Variants in NEDD4 observed in about 807,000 individuals in gnomAD.
NEDD4 encodes the protein NEDD4 E3 ubiquitin protein ligase, also known as E3 ubiquitin-protein ligase NEDD4.
A neutral mutation model predicts 144.9 loss-of-function variants in NEDD4; 99 were observed. That is an observed-to-expected ratio of 0.68 (90% CI 0.58 to 0.81). NEDD4 has a LOEUF of 0.81. Ranked by LOEUF, NEDD4 falls within the 30% of genes least tolerant of loss-of-function variation. NEDD4 has a pLI of 0.00. For missense variants in NEDD4, 985 were observed against 1,065.9 expected, an observed-to-expected ratio of 0.92 and a Z score of 1.06; for synonymous variants, 318 against 350.6, an observed-to-expected ratio of 0.91 and a Z score of 1.04.
At chr15:55,860,863 A>G in intron 9 of NEDD4, 85 bp from the exon 10 acceptor site, 3 of 1,192,898 alleles carry the variant, frequency 2.5e-6, no homozygotes, top group East Asian at 2.3e-5. Context: ...TGGGAAAAAA[A>G]TCTACATTAC....
chr15:55,856,048 C>T (rs1227873297), intron 12 of NEDD4, 83 bp downstream of exon 12: 7 of 1,224,170 alleles, frequency 5.7e-6, no homozygotes, highest in African/African-American at 1.5e-5. Context: ...GTAAGGCAAA[C>T]GTTCACACTC....
chr15:55,855,123 G>C (rs528730778), intron 12 of NEDD4, among the ~76,000 whole-genome samples: 2 of 152,266 alleles, frequency 1.3e-5, no homozygotes, highest in South Asian at 4.1e-4. Flanking sequence ...ATGATGCATA[G>C]GTGGGCGACC....
In NEDD4 at chr15:55,834,254, G is replaced by T. The variant is rs756988583; in HGVS notation, c.2295C>A (p.Ile765=). The T allele has an allele frequency of 1.2e-6, 2 of 1,609,648 alleles. No individual in the cohort carries two copies. Among genetic ancestry groups the T allele is most frequent in the Non-Finnish European group, 1.7e-6 (2 of 1,176,216 alleles). Residue 765 remains isoleucine (I), a synonymous_variant, in exon 25 of 29, where the codon ATC becomes ATA. Coordinates refer to ENST00000435532, the MANE Select transcript of NEDD4 (RefSeq NM_006154.4). The part of the protein sequence containing the change: ...GFFELIPQDL[I]KIFDENELEL... ...CTAGTTCATTTTCATCAAAAATTTT[G>T]ATGAGATCCTGTGGTATTAGTTCAA...
intron 8 of NEDD4, 133 bp downstream of exon 8, chr15:55,869,446 G>A: frequency 1.7e-6 from 1 of 588,982 alleles, no homozygotes; most frequent in Non-Finnish European, 2.9e-6. Flanking sequence ...TTAATGCTTG[G>A]GTGAAATAAA....
chr15:55,845,438 A>G (rs1224040573), intron 18 of NEDD4, among the ~76,000 whole-genome samples: 1 of 152,194 alleles, frequency 6.6e-6, no homozygotes, highest in East Asian at 1.9e-4. Context: ...GAGTTATTGT[A>G]GACATTAAAT....
chr15:55,948,895 C>G (rs2037176984), intron 4 of NEDD4, among the ~76,000 whole-genome samples: 1 of 152,118 alleles, frequency 6.6e-6, no homozygotes, highest in South Asian at 2.1e-4. Flanking sequence ...TAGGCATGGG[C>G]AAGGACTTCA....
At chr15:55,877,092 CA>C (rs1176253796) in intron 5 of NEDD4, among the ~76,000 whole-genome samples, 6 of 152,076 alleles carry the variant, frequency 3.9e-5, no homozygotes, top group African/African-American at 1.4e-4. Flanking sequence ...CCAGATCCAC[CA>C]AATGTTAACA....
intron 5 of NEDD4, chr15:55,905,375 A>C: frequency 2.3e-6 from 1 of 431,068 alleles, no homozygotes; most frequent in South Asian, 1.7e-5. Flanking sequence ...GGGTTTCCCA[A>C]CAGTGAAACC....
At chr15:55,903,126 T>A (rs779945635) in intron 5 of NEDD4, among the ~76,000 whole-genome samples, 16 of 152,252 alleles carry the variant, frequency 1.1e-4, no homozygotes, top group Non-Finnish European at 1.9e-4. Context: ...ACACTTGATC[T>A]GGACTATACA....
chr15:55,857,531 C>T (rs1226213858), intron 11 of NEDD4, among the ~76,000 whole-genome samples: 1 of 152,096 alleles, frequency 6.6e-6, no homozygotes, highest in Non-Finnish European at 1.5e-5. Flanking sequence ...CCATGTTGGC[C>T]AGGCTGGTCT....
At chr15:55,940,148 C>G (rs1319932521) in intron 4 of NEDD4, among the ~76,000 whole-genome samples, 1 of 152,072 alleles carries the variant, frequency 6.6e-6, no homozygotes, top group Non-Finnish European at 1.5e-5. Context: ...CAAAAAGTAT[C>G]TAAAATAGTC....
intron 11 of NEDD4, among the ~76,000 whole-genome samples, chr15:55,859,836 A>T (rs2034332355): frequency 6.6e-6 from 1 of 152,246 alleles, no homozygotes; most frequent in African/African-American, 2.4e-5. Flanking sequence ...ATCGTGGCTG[A>T]ATATAGACAA....
Position 55,828,140 on chromosome 15 carries a change from T to C in NEDD4, c.*1757A>G, listed in dbSNP as rs2032777915. 6.6e-6 allele frequency: 1 copy of C among 152,190 alleles called. No individual in the cohort carries two copies. Among genetic ancestry groups the C allele is most frequent in the South Asian group, 2.1e-4 (1 of 4,832 alleles). The allele number at this position is 152,190 out of a possible 1,614,324, so 9.4% of individuals were successfully genotyped here. A position where few individuals can be genotyped will look rare whatever the true frequency, so the allele number is the denominator to read the frequency against. The stretch of plus-strand genomic sequence containing the variant: ...TCTGTGAATTGCTTCCCCTAAACCA[T>C]GCTGATGCTGTGGTGTTTGGAAAGT... On this transcript the variant is annotated 3_prime_UTR_variant, in exon 29 of 29. Coordinates refer to ENST00000435532, the MANE Select transcript of NEDD4 (RefSeq NM_006154.4).
At chr15:55,847,435 C>T (rs1367309695) in intron 17 of NEDD4, among the ~76,000 whole-genome samples, 2 of 151,916 alleles carry the variant, frequency 1.3e-5, no homozygotes, top group African/African-American at 4.8e-5. Flanking sequence ...CTTTTTGAGC[C>T]ATTAAAGGAC....
chr15:55,954,627 T>A (rs2037304807), intron 2 of NEDD4, among the ~76,000 whole-genome samples: 1 of 151,948 alleles, frequency 6.6e-6, no homozygotes, highest in Admixed American at 6.6e-5. Flanking sequence ...CAGGTTCAAG[T>A]GATTCTTTTG....
At chr15:55,852,799 G>C (rs1368151739) in intron 12 of NEDD4, among the ~76,000 whole-genome samples, 1 of 151,692 alleles carries the variant, frequency 6.6e-6, no homozygotes, top group Admixed American at 6.6e-5. Context: ...GCCCAGGCTG[G>C]AGTGCAGTGG....
intron 5 of NEDD4, chr15:55,915,555 G>C (rs1488775969): frequency 1.9e-6 from 3 of 1,613,924 alleles, no homozygotes; most frequent in Non-Finnish European, 1.7e-6. Context: ...TACATTTTGG[G>C]AGGATGGCAA....
chr15:55,862,380 A>T (rs1204726598), intron 9 of NEDD4, among the ~76,000 whole-genome samples: 1 of 152,194 alleles, frequency 6.6e-6, no homozygotes. Flanking sequence ...AATAAAAAAA[A>T]TCACTGAGGA....
At chr15:55,913,528 A>T (rs1331886648) in intron 5 of NEDD4, among the ~76,000 whole-genome samples, 1 of 152,032 alleles carries the variant, frequency 6.6e-6, no homozygotes, top group Non-Finnish European at 1.5e-5. Context: ...TCTAATAAAC[A>T]TTAAACGGGG....
Sources: allele counts gnomAD v4.1 joint callset (sites outside exome capture counted in the v4.1 genomes callset), GRCh38; gene constraint gnomAD v4.1.1; transcripts MANE v1.5; gene names NCBI Gene and HGNC (gene_info 2026-07-23, HGNC 2026-07-21).